PARP8: variants seen among roughly 807,000 people sequenced by gnomAD.
PARP8 encodes poly(ADP-ribose) polymerase family member 8.
A neutral mutation model predicts 124.1 loss-of-function variants in PARP8; 51 were observed. The ratio of observed to expected loss-of-function variants is 0.41; its 90% CI spans 0.33 to 0.52. The LOEUF (loss-of-function observed/expected upper bound fraction) is 0.52, where lower values mean the gene tolerates loss of function less well. Ranked by LOEUF, PARP8 falls within the 20% of genes least tolerant of loss-of-function variation. The pLI, the probability that PARP8 is intolerant of heterozygous loss-of-function variation, is 0.21. For missense variants in PARP8, 860 were observed against 1,018.9 expected, an observed-to-expected ratio of 0.84 and a Z score of 2.12; for synonymous variants, 391 against 361.5, an observed-to-expected ratio of 1.08 and a Z score of -0.93.
Position 50,763,142 on chromosome 5 carries a change from C to A in PARP8, c.424-6C>A. 6.2e-7 allele frequency: 1 copy of A among 1,606,508 alleles called. No homozygotes were observed. ...GAGACACTTTTAAATTATCCCTTTTCATCAGGTGAACTATGATGGGGAACT... is the reference window on the plus strand; with the variant it reads ...GAGACACTTTTAAATTATCCCTTTTAATCAGGTGAACTATGATGGGGAACT... On this transcript the variant is annotated splice_polypyrimidine_tract_variant and splice_region_variant and intron_variant, in intron 6 of 25. Transcript: ENST00000281631.
intron 14 of PARP8, among the ~76,000 whole-genome samples, chr5:50,801,135 A>G (rs766739690): frequency 8.6e-5 from 13 of 151,624 alleles, no homozygotes; most frequent in Non-Finnish European, 1.6e-4. Flanking sequence ...TATTTTTGAG[A>G]TGGAGTTTTG....
chr5:50,742,080 G>A (rs1239653316), intron 2 of PARP8: 1 of 245,308 alleles, frequency 4.1e-6, no homozygotes, highest in African/African-American at 2.4e-5. Context: ...AAAGTACCGG[G>A]ATTACAGGCG....
intron 25 of PARP8, among the ~76,000 whole-genome samples, chr5:50,837,559 C>T (rs1747718657): frequency 6.6e-6 from 1 of 152,050 alleles, no homozygotes; most frequent in Admixed American, 6.6e-5. Flanking sequence ...TATGAGTTAA[C>T]ATGGTTACCT....
chr5:50,752,124 T>A lies in PARP8; in HGVS notation c.184+1936T>A, dbSNP rs554771169. Among the ~76,000 whole-genome samples, 214 of 152,162 alleles carry A rather than the reference T, an allele frequency of 1.4e-3. 1 individual carries two copies. The highest frequency in any genetic ancestry group is 5.1e-3 in the African/African-American group (210 of 41,550). ...TTTTCTCATTTACCAAGCTTTTTTT[T>A]AAAAAAAATGAATATTAAATCTTTA... is the stretch of plus-strand genomic sequence containing the variant. On this transcript the variant is annotated intron_variant, in intron 3 of 25. Transcript: ENST00000281631.
chr5:50,837,882 A>T lies in PARP8; in HGVS notation c.2462+2867A>T, dbSNP rs141371784. 2.0e-3 allele frequency among the ~76,000 whole-genome samples: 298 copies of T among 152,280 alleles called. 3 individuals are homozygous for T. Among genetic ancestry groups the T allele is most frequent in the African/African-American group, 6.8e-3 (283 of 41,590 alleles). ...AAACTTAATTAAATATAAGTGCTCC[A>T]GGCAAAATGTAATAGATCAGATGTT... On this transcript the variant is annotated intron_variant, in intron 25 of 25. Transcript: ENST00000281631.
chr5:50,719,955 A>G (rs1755708232), intron 2 of PARP8, among the ~76,000 whole-genome samples: 1 of 152,036 alleles, frequency 6.6e-6, no homozygotes, highest in African/African-American at 2.4e-5. Flanking sequence ...GAGAACCTGT[A>G]GTGTCTTGTC....
At chr5:50,828,089 TC>T in intron 20 of PARP8, 33 bp downstream of exon 20, 2 of 1,431,096 alleles carry the variant, frequency 1.4e-6, no homozygotes, top group Non-Finnish European at 2.0e-6. Flanking sequence ...GGGGGTGTGC[TC>T]CCATTAACAT....
intron 19 of PARP8, among the ~76,000 whole-genome samples, chr5:50,827,223 T>C (rs1216036388): frequency 6.6e-6 from 1 of 152,094 alleles, no homozygotes; most frequent in Admixed American, 6.6e-5. Context: ...AAAATAATAA[T>C]TTGTAAAAAG....
intron 1 of PARP8, chr5:50,667,868 C>T: frequency 1.4e-6 from 2 of 1,449,270 alleles, no homozygotes; most frequent in Non-Finnish European, 9.2e-7. Context: ...GCACTTGTTG[C>T]GGGGGGCGGC....
At chr5:50,724,570 C>A (rs544308416) in intron 2 of PARP8, among the ~76,000 whole-genome samples, 1 of 152,066 alleles carries the variant, frequency 6.6e-6, no homozygotes, top group East Asian at 1.9e-4. Flanking sequence ...TAAGATAATT[C>A]TTTCCTCTTC....
chr5:50,827,604 A>G (rs1362846348), intron 19 of PARP8, among the ~76,000 whole-genome samples: 1 of 152,170 alleles, frequency 6.6e-6, no homozygotes, highest in Non-Finnish European at 1.5e-5. Context: ...GGGACTCAAT[A>G]ATAAAAATGT....
rs188301770 is a variant in PARP8, at chr5:50,678,890, C to T, written c.146+10765C>T. On this transcript the variant is annotated intron_variant, in intron 2 of 25. Coordinates refer to ENST00000281631, the MANE Select transcript of PARP8 (RefSeq NM_024615.4). ...TGTTATTACTATTCATAGCATTAGC[C>T]CAATTCTTGTTGTGAGCAACATGAA... 4.4e-3 allele frequency among the ~76,000 whole-genome samples: 664 copies of T among 152,210 alleles called. 3 individuals are homozygous for T. The highest frequency in any genetic ancestry group is 0.02 in the South Asian group (95 of 4,818).
chr5:50,793,924 T>C (rs1742241668), intron 10 of PARP8, among the ~76,000 whole-genome samples: 2 of 152,120 alleles, frequency 1.3e-5, no homozygotes, highest in South Asian at 4.1e-4. Context: ...TATTCTTCTA[T>C]CATTTGAATT....
intron 2 of PARP8, among the ~76,000 whole-genome samples, chr5:50,727,335 C>CCGCT (rs890245986): frequency 1.3e-4 from 20 of 152,100 alleles, no homozygotes; most frequent in Admixed American, 6.5e-5. Flanking sequence ...TACCCAGTCC[C>CCGCT]CGCTCCTGCT....
chr5:50,816,368 G>A (rs904066987), intron 15 of PARP8, among the ~76,000 whole-genome samples: 1 of 152,072 alleles, frequency 6.6e-6, no homozygotes, highest in Non-Finnish European at 1.5e-5. Flanking sequence ...ATAGCTTAAC[G>A]AATACCTAGT....
intron 2 of PARP8, among the ~76,000 whole-genome samples, chr5:50,708,683 G>A (rs1580044951): frequency 1.3e-5 from 2 of 148,376 alleles, no homozygotes; most frequent in Admixed American, 1.3e-4. Flanking sequence ...ACATTGATAT[G>A]GCTTGATGTC....
chr5:50,771,109 A>C (rs895431193), intron 7 of PARP8, among the ~76,000 whole-genome samples: 46 of 150,672 alleles, frequency 3.1e-4, no homozygotes, highest in African/African-American at 9.7e-4. Flanking sequence ...CTCTCTATAT[A>C]TATATATACA....
intron 14 of PARP8, among the ~76,000 whole-genome samples, chr5:50,806,463 A>G (rs1743853509): frequency 6.6e-6 from 1 of 151,892 alleles, no homozygotes; most frequent in African/African-American, 2.4e-5. Flanking sequence ...GTTTGACTTT[A>G]TCTATATCTG....
At chr5:50,697,749 G>A (rs1276765927) in intron 2 of PARP8, among the ~76,000 whole-genome samples, 4 of 152,128 alleles carry the variant, frequency 2.6e-5, no homozygotes, top group Non-Finnish European at 1.5e-5. Context: ...GCCTTAAGAA[G>A]TCCTCCTACC....
Sources: gnomAD v4.1 joint callset for allele counts (sites outside exome capture counted in the v4.1 genomes callset) on GRCh38, gnomAD v4.1.1 for gene constraint, MANE v1.5 for transcripts, NCBI Gene and HGNC (gene_info 2026-07-23, HGNC 2026-07-21) for gene names.